Variants in NRG1 observed in about 807,000 individuals in gnomAD.
NRG1 encodes the protein neuregulin 1.
NRG1 carries 18 observed loss-of-function variants against 63.8 expected under a neutral mutation model. The ratio of observed to expected loss-of-function variants is 0.28; its 90% confidence interval spans 0.19 to 0.42. The LOEUF (loss-of-function observed/expected upper bound fraction) is 0.42. NRG1 is among the 10% of genes least tolerant of loss of function. The probability of loss-of-function intolerance (pLI) is 1.00; values close to 1 mark genes in which losing one functional copy is unlikely to be tolerated. For synonymous variants in NRG1, 302 were observed against 301.3 expected, an observed-to-expected ratio of 1.00 and a Z score of -0.02; for missense variants, 762 against 814.7, an observed-to-expected ratio of 0.94 and a Z score of 0.79.
intron 1 of NRG1, among the ~76,000 whole-genome samples, chr8:32,391,728 T>C (rs559376712): frequency 6.6e-6 from 1 of 152,332 alleles, no homozygotes; most frequent in East Asian, 1.9e-4. Context: ...TATTCCATGC[T>C]GTATATGTAC....
chr8:32,275,137 G>A lies in NRG1; in HGVS notation c.38-320691G>A, dbSNP rs564100668. Among the ~76,000 whole-genome samples, 140 of 152,224 alleles carry A rather than the reference G, an allele frequency of 9.2e-4. 1 individual carries two copies. Among genetic ancestry groups the A allele is most frequent in the African/African-American group, 3.2e-3 (133 of 41,562 alleles). Reference sequence around the variant, plus strand: ...GAACAGAGGCAGCCAAGATACTGTCGGGTGATCAGGACAGCTCCCGCCTCT... The same window carrying A: ...GAACAGAGGCAGCCAAGATACTGTCAGGTGATCAGGACAGCTCCCGCCTCT... On this transcript the variant is annotated intron_variant, in intron 1 of 10. Coordinates refer to the NRG1 transcript ENST00000519301.
chr8:32,156,422 C>T (rs1249968687), intron 1 of NRG1, among the ~76,000 whole-genome samples: 3 of 152,204 alleles, frequency 2.0e-5, no homozygotes, highest in Non-Finnish European at 2.9e-5. Context: ...TTAGATTATG[C>T]TTTGCTTTCT....
At chr8:31,938,575 A>T (rs1471524688) in intron 1 of NRG1, among the ~76,000 whole-genome samples, 1 of 152,210 alleles carries the variant, frequency 6.6e-6, no homozygotes, top group East Asian at 1.9e-4. Context: ...AATTGCCAGA[A>T]AAAAGAAAAA....
chr8:31,915,736 A>G (rs1193765508), intron 1 of NRG1, among the ~76,000 whole-genome samples: 3 of 152,142 alleles, frequency 2.0e-5, no homozygotes, highest in African/African-American at 4.8e-5. Flanking sequence ...CAATGACATG[A>G]TGGATAGAGT....
chr8:31,897,996 G>T, intron 1 of NRG1, among the ~76,000 whole-genome samples: 1 of 127,906 alleles, frequency 7.8e-6, no homozygotes, highest in Non-Finnish European at 1.6e-5. Context: ...CAGCCTGGGT[G>T]ACAAGAGTGA....
At chr8:31,925,699 C>A (rs1275023319) in intron 1 of NRG1, among the ~76,000 whole-genome samples, 1 of 71,604 alleles carries the variant, frequency 1.4e-5, no homozygotes, top group Non-Finnish European at 4.3e-5. Flanking sequence ...GACCTATTTT[C>A]TTATTAATTA....
intron 1 of NRG1, among the ~76,000 whole-genome samples, chr8:31,741,737 C>A (rs1301802730): frequency 6.6e-6 from 1 of 151,844 alleles, no homozygotes. Flanking sequence ...GGATGAGAAG[C>A]AATACTGCTT....
intron 5 of NRG1, among the ~76,000 whole-genome samples, chr8:32,639,163 TGG>T (rs1356026315): frequency 6.6e-6 from 1 of 152,272 alleles, no homozygotes; most frequent in South Asian, 2.1e-4. Context: ...CCTAGCACTT[TGG>T]GAGGCCGAGG....
chr8:32,364,435 C>G (rs1807673012), intron 1 of NRG1, among the ~76,000 whole-genome samples: 1 of 152,006 alleles, frequency 6.6e-6, no homozygotes, highest in African/African-American at 2.4e-5. Flanking sequence ...ACTTCTGCAT[C>G]CTGCCTTTTT....
At chr8:31,897,406 G>T (rs556713124) in intron 1 of NRG1, among the ~76,000 whole-genome samples, 6 of 152,118 alleles carry the variant, frequency 3.9e-5, no homozygotes, top group Non-Finnish European at 7.4e-5. Flanking sequence ...GACCCTGAAA[G>T]AAATCAAAGT....
At chr8:32,205,050 A>T in intron 1 of NRG1, among the ~76,000 whole-genome samples, 1 of 152,246 alleles carries the variant, frequency 6.6e-6, no homozygotes, top group East Asian at 1.9e-4. Flanking sequence ...ACACCATTTT[A>T]TAGAACAAAT....
chr8:32,238,181 G>C (rs1190113381), intron 1 of NRG1, among the ~76,000 whole-genome samples: 2 of 152,032 alleles, frequency 1.3e-5, no homozygotes, highest in African/African-American at 4.8e-5. Context: ...TTTAGGAGGG[G>C]GCCAGGCGTG....
At chr8:32,102,262 C>G (rs1830672812) in intron 1 of NRG1, among the ~76,000 whole-genome samples, 1 of 152,114 alleles carries the variant, frequency 6.6e-6, no homozygotes, top group African/African-American at 2.4e-5. Flanking sequence ...CTCAGCCTCC[C>G]AAGTAGCTGG....
intron 1 of NRG1, among the ~76,000 whole-genome samples, chr8:31,641,207 A>G (rs570374307): frequency 3.3e-5 from 5 of 152,292 alleles, no homozygotes; most frequent in African/African-American, 7.2e-5. Context: ...AGGAAGGGGC[A>G]GTGCACTGAC....
intron 1 of NRG1, among the ~76,000 whole-genome samples, chr8:31,778,437 A>G (rs1230090403): frequency 2.6e-5 from 4 of 152,142 alleles, no homozygotes; most frequent in African/African-American, 7.2e-5. Context: ...ATCTGCATTT[A>G]TCTTCCTTCC....
At chr8:31,875,375 A>G (rs1019853517) in intron 1 of NRG1, among the ~76,000 whole-genome samples, 2 of 152,212 alleles carry the variant, frequency 1.3e-5, no homozygotes, top group African/African-American at 2.4e-5. Flanking sequence ...TAAAGAAAGA[A>G]TATGTCTTCC....
At chr8:32,313,626 T>C (rs1857061475) in intron 1 of NRG1, among the ~76,000 whole-genome samples, 1 of 152,214 alleles carries the variant, frequency 6.6e-6, no homozygotes, top group African/African-American at 2.4e-5. Context: ...GCTTGTTCCT[T>C]TAAAGCAGGG....
chr8:32,728,904 A>C (rs1166187124), intron 6 of NRG1, among the ~76,000 whole-genome samples: 1 of 151,924 alleles, frequency 6.6e-6, no homozygotes, highest in Non-Finnish European at 1.5e-5. Flanking sequence ...TCTCTACTAA[A>C]AATGCAAAAA....
chr8:32,186,494 G>T (rs1841983866), intron 1 of NRG1, among the ~76,000 whole-genome samples: 1 of 149,372 alleles, frequency 6.7e-6, no homozygotes, highest in African/African-American at 2.5e-5. Flanking sequence ...GAAAGAAAAA[G>T]AAAAAAAAAG....
Sources: allele counts gnomAD v4.1 joint callset (sites outside exome capture counted in the v4.1 genomes callset), GRCh38; gene constraint gnomAD v4.1.1; transcripts MANE v1.5; gene names NCBI Gene and HGNC (gene_info 2026-07-23, HGNC 2026-07-21).